RARB: variants seen among roughly 807,000 people sequenced by gnomAD.
RARB encodes HBV-activated protein.
A neutral mutation model predicts 51.9 loss-of-function variants in RARB; 17 were observed. The ratio of observed to expected loss-of-function variants is 0.33; its 90% CI spans 0.22 to 0.49. RARB has a LOEUF of 0.49. Among genes scored for constraint, RARB ranks in the 20% least tolerant of loss-of-function variants. The pLI, the probability that RARB is intolerant of heterozygous loss-of-function variation, is 0.99. For missense variants in RARB, 369 were observed against 550.8 expected, an observed-to-expected ratio of 0.67 and a Z score of 3.30; for synonymous variants, 215 against 195.4, an observed-to-expected ratio of 1.10 and a Z score of -0.84.
At chr3:25,384,468 C>G (rs1050930324) in intron 5 of RARB, among the ~76,000 whole-genome samples, 1 of 152,200 alleles carries the variant, frequency 6.6e-6, no homozygotes, top group African/African-American at 2.4e-5. Flanking sequence ...CTCTCAACTC[C>G]TATCTTTAAA....
At chr3:25,033,978 G>T (rs897426564) in intron 2 of RARB, among the ~76,000 whole-genome samples, 7 of 152,138 alleles carry the variant, frequency 4.6e-5, no homozygotes, top group African/African-American at 1.7e-4. Flanking sequence ...AAAATCAGGT[G>T]ACTGATTTTA....
intron 5 of RARB, among the ~76,000 whole-genome samples, chr3:25,401,018 T>C (rs1575373836): frequency 6.6e-6 from 1 of 152,098 alleles, no homozygotes; most frequent in South Asian, 2.1e-4. Flanking sequence ...CCTCAGGAAC[T>C]TTCTCATTCT....
intron 5 of RARB, among the ~76,000 whole-genome samples, chr3:25,395,213 A>G (rs1007896489): frequency 6.6e-6 from 1 of 152,168 alleles, no homozygotes; most frequent in Non-Finnish European, 1.5e-5. Context: ...TTGTTTAAGG[A>G]CGCTAAAAAT....
At chr3:25,385,385 A>G (rs1035374706) in intron 5 of RARB, among the ~76,000 whole-genome samples, 3 of 152,178 alleles carry the variant, frequency 2.0e-5, no homozygotes, top group Non-Finnish European at 4.4e-5. Context: ...TCAGCTAAAG[A>G]GGAAGTTTAT....
intron 3 of RARB, among the ~76,000 whole-genome samples, chr3:25,070,857 G>T (rs145312242): frequency 6.6e-6 from 1 of 152,196 alleles, no homozygotes; most frequent in Non-Finnish European, 1.5e-5. Context: ...CATGCCCAGT[G>T]TACTAGTACT....
At chr3:24,930,242 C>G (rs1695410214) in intron 2 of RARB, among the ~76,000 whole-genome samples, 1 of 151,986 alleles carries the variant, frequency 6.6e-6, no homozygotes, top group African/African-American at 2.4e-5. Context: ...GAGAGCTCTC[C>G]TTTGAGGGCT....
chr3:24,969,354 T>C (rs906448565), intron 2 of RARB, among the ~76,000 whole-genome samples: 1 of 152,200 alleles, frequency 6.6e-6, no homozygotes, highest in Middle Eastern at 3.4e-3. Flanking sequence ...CATTATTATA[T>C]AGCCAAAGTG....
At chr3:25,423,705 A>T (rs1391921343), upstream of RARB, among the ~76,000 whole-genome samples, 1 of 152,250 alleles carries the variant, frequency 6.6e-6, no homozygotes, top group Non-Finnish European at 1.5e-5. Context: ...GAGTGATGGA[A>T]AATGTGAAAA....
chr3:24,911,430 A>G (rs1334614292), intron 2 of RARB, among the ~76,000 whole-genome samples: 1 of 152,238 alleles, frequency 6.6e-6, no homozygotes, highest in African/African-American at 2.4e-5. Flanking sequence ...CATCTGAAAG[A>G]AAACTCTAGA....
chr3:25,568,630 G>A (rs1196478235), intron 3 of RARB, among the ~76,000 whole-genome samples: 2 of 152,130 alleles, frequency 1.3e-5, no homozygotes, highest in South Asian at 2.1e-4. Context: ...TGGACCCAGG[G>A]AACTGCCAGT....
intron 4 of RARB, among the ~76,000 whole-genome samples, chr3:25,166,186 T>G (rs1288212721): frequency 6.6e-6 from 1 of 152,202 alleles, no homozygotes; most frequent in Non-Finnish European, 1.5e-5. Context: ...AGTTTTTCCA[T>G]TACGGCTTCT....
intron 3 of RARB, among the ~76,000 whole-genome samples, chr3:25,127,090 C>T (rs1358978885): frequency 6.6e-6 from 1 of 152,156 alleles, no homozygotes; most frequent in East Asian, 1.9e-4. Context: ...ACTCCCCTAA[C>T]TTACCTCCTA....
At chr3:25,135,709 T>C (rs1186040935) in intron 4 of RARB, among the ~76,000 whole-genome samples, 1 of 151,912 alleles carries the variant, frequency 6.6e-6, no homozygotes, top group African/African-American at 2.4e-5. Flanking sequence ...AAGTAGTGCA[T>C]TAAGTCATAT....
chr3:25,306,709 G>A (rs1299707818), intron 5 of RARB, among the ~76,000 whole-genome samples: 2 of 152,078 alleles, frequency 1.3e-5, no homozygotes, highest in Non-Finnish European at 2.9e-5. Flanking sequence ...TTATTCTGGG[G>A]GAAAAAAAGC....
rs560721438 is a variant in RARB, at chr3:25,044,059, T to C, written c.-379-16066T>C. 1.3e-3 allele frequency among the ~76,000 whole-genome samples: 200 copies of C among 152,194 alleles called. 2 individuals carry two copies. The highest frequency in any genetic ancestry group is 1.7e-3 in the Non-Finnish European group (117 of 68,006). ...TTTAATTAGAGTTTCAGTCCACTGA[T>C]ACTACCTTCAAAGTAAATGAAAATG... On this transcript the variant is annotated intron_variant, in intron 2 of 11. Transcript: ENST00000383772.
chr3:24,963,002 C>T (rs905652467), intron 2 of RARB, among the ~76,000 whole-genome samples: 18 of 152,160 alleles, frequency 1.2e-4, no homozygotes, highest in South Asian at 2.1e-4. Flanking sequence ...CTACAGATTC[C>T]TATAATCTTA....
intron 4 of RARB, among the ~76,000 whole-genome samples, chr3:25,575,163 C>A (rs182004182): frequency 6.6e-6 from 1 of 152,118 alleles, no homozygotes; most frequent in Non-Finnish European, 1.5e-5. Context: ...CCCTCGCATG[C>A]GCACTTTGCA....
chr3:25,077,188 C>A (rs1055063848), intron 3 of RARB, among the ~76,000 whole-genome samples: 1 of 152,174 alleles, frequency 6.6e-6, no homozygotes, highest in African/African-American at 2.4e-5. Flanking sequence ...CCTTCTAAAC[C>A]AAGTGCATTG....
At chr3:25,035,156 C>T (rs575240060) in intron 2 of RARB, among the ~76,000 whole-genome samples, 31 of 152,292 alleles carry the variant, frequency 2.0e-4, no homozygotes, top group African/African-American at 7.5e-4. Context: ...GGGTCTTACT[C>T]TATCACTCGG....
Sources: gnomAD v4.1 joint callset for allele counts (sites outside exome capture counted in the v4.1 genomes callset) on GRCh38, gnomAD v4.1.1 for gene constraint, MANE v1.5 for transcripts, NCBI Gene and HGNC (gene_info 2026-07-23, HGNC 2026-07-21) for gene names.